The following FOXP2 variants were observed in gnomAD, a reference collection of about 807,000 sequenced individuals.
The protein encoded by FOXP2 is forkhead box P2, also known as forkhead box protein P2.
Under a neutral mutation model 115.8 loss-of-function variants are expected in FOXP2, and 12 were observed. The ratio of observed to expected loss-of-function variants is 0.10; its 90% CI spans 0.07 to 0.17. The LOEUF (loss-of-function observed/expected upper bound fraction) is 0.17, where lower values mean the gene tolerates loss of function less well. Ranked by LOEUF, FOXP2 falls within the 10% of genes least tolerant of loss-of-function variation. FOXP2 has a pLI of 1.00. For missense variants in FOXP2, 629 were observed against 843.5 expected (o/e 0.75, Z 3.15); for synonymous variants, 328 against 297.7 (o/e 1.10, Z -1.05).
At chr7:114,612,117 T>C (rs775290560) in intron 3 of FOXP2, among the ~76,000 whole-genome samples, 23 of 152,116 alleles carry the variant, frequency 1.5e-4, no homozygotes, top group Non-Finnish European at 2.1e-4. Context: ...GCACATTTTG[T>C]TTCTCTTCAT....
At chr7:114,384,911 C>T (rs1267411634) in intron 2 of FOXP2, among the ~76,000 whole-genome samples, 5 of 151,932 alleles carry the variant, frequency 3.3e-5, no homozygotes, top group Non-Finnish European at 7.4e-5. Flanking sequence ...TTTACACTGA[C>T]AACAAAGTGA....
chr7:114,628,106 CATTT>C (rs1297649813), intron 3 of FOXP2, among the ~76,000 whole-genome samples: 1 of 151,864 alleles, frequency 6.6e-6, no homozygotes, highest in Non-Finnish European at 1.5e-5. Flanking sequence ...GTTTAGATAA[CATTT>C]ATATGCATAT....
At chr7:114,124,590 A>T (rs575139366) in intron 1 of FOXP2, among the ~76,000 whole-genome samples, 1 of 152,006 alleles carries the variant, frequency 6.6e-6, no homozygotes, top group Admixed American at 6.6e-5. Context: ...GTGCTCAGGC[A>T]TTATGTTTTA....
chr7:114,360,383 A>G (rs747063191), intron 2 of FOXP2, among the ~76,000 whole-genome samples: 3 of 151,614 alleles, frequency 2.0e-5, no homozygotes, highest in Non-Finnish European at 4.4e-5. Context: ...TCCCAACTTC[A>G]CCTTCCTTTC....
chr7:114,440,546 T>A (rs965135473), intron 2 of FOXP2, among the ~76,000 whole-genome samples: 2 of 152,216 alleles, frequency 1.3e-5, no homozygotes, highest in Non-Finnish European at 2.9e-5. Context: ...AGATATTTTG[T>A]ATGATGGAGT....
intron 2 of FOXP2, among the ~76,000 whole-genome samples, chr7:114,470,576 A>G (rs1180728169): frequency 6.6e-6 from 1 of 152,162 alleles, no homozygotes; most frequent in African/African-American, 2.4e-5. Context: ...GGCACGTAGT[A>G]GATGTTGGGT....
intron 2 of FOXP2, among the ~76,000 whole-genome samples, chr7:114,428,620 T>G (rs2129206157): frequency 6.6e-6 from 1 of 151,606 alleles, no homozygotes; most frequent in East Asian, 1.9e-4. Context: ...TGCAAAAACC[T>G]TTGTAAATAT....
intron 1 of FOXP2, among the ~76,000 whole-genome samples, chr7:114,281,095 A>ATT (rs71157578): frequency 0.036 from 3,341 of 92,838 alleles, 58 homozygotes; most frequent in East Asian, 0.044. Flanking sequence ...TGCAATTTGA[A>ATT]TTTTTTTTTT....
At chr7:114,196,951 AG>A (rs1362435476) in intron 1 of FOXP2, among the ~76,000 whole-genome samples, 1 of 152,120 alleles carries the variant, frequency 6.6e-6, no homozygotes, top group Admixed American at 6.6e-5. Context: ...CAGCATTTTG[AG>A]AGGCCGAGGT....
chr7:114,510,532 G>A (rs1798018388), intron 2 of FOXP2, among the ~76,000 whole-genome samples: 1 of 152,128 alleles, frequency 6.6e-6, no homozygotes. Context: ...TTACAAGGTT[G>A]ATTTTATAAT....
At chr7:114,616,958 C>T (rs1036491598) in intron 3 of FOXP2, among the ~76,000 whole-genome samples, 1 of 152,168 alleles carries the variant, frequency 6.6e-6, no homozygotes, top group Non-Finnish European at 1.5e-5. Context: ...TGGCAGTGCA[C>T]ACCTGTAGTC....
At chr7:114,567,915 G>A (rs1399673481) in intron 3 of FOXP2, among the ~76,000 whole-genome samples, 1 of 152,004 alleles carries the variant, frequency 6.6e-6, no homozygotes, top group Non-Finnish European at 1.5e-5. Flanking sequence ...ATATGATGAT[G>A]GGCTAATGAT....
intron 1 of FOXP2, among the ~76,000 whole-genome samples, chr7:114,136,507 A>G (rs889059259): frequency 3.3e-5 from 5 of 152,048 alleles, no homozygotes; most frequent in Admixed American, 6.5e-5. Context: ...GAAAGATTAT[A>G]GTTTGTAATA....
At chr7:114,296,961 GTA>G (rs1796754254) in intron 2 of FOXP2, among the ~76,000 whole-genome samples, 1 of 151,882 alleles carries the variant, frequency 6.6e-6, no homozygotes, top group Non-Finnish European at 1.5e-5. Flanking sequence ...TCTTAAATGT[GTA>G]TAGTTAATTT....
At chr7:114,475,843 AGATATT>A (rs1220570240) in intron 2 of FOXP2, among the ~76,000 whole-genome samples, 1 of 151,932 alleles carries the variant, frequency 6.6e-6, no homozygotes, top group Non-Finnish European at 1.5e-5. Flanking sequence ...AAATAGATAT[AGATATT>A]GACTATGACT....
At chr7:114,678,590 A>G (rs1365428552) in intron 16 of FOXP2, among the ~76,000 whole-genome samples, 2 of 132,988 alleles carry the variant, frequency 1.5e-5, no homozygotes, top group East Asian at 4.1e-4. Context: ...GAAACTAGCA[A>G]CACTTTATGC....
At chr7:114,416,736 G>A (rs529399279) in intron 1 of FOXP2, among the ~76,000 whole-genome samples, 1 of 152,044 alleles carries the variant, frequency 6.6e-6, no homozygotes, top group South Asian at 2.1e-4. Context: ...TGCTGTACAA[G>A]TTTGGAAACA....
intron 1 of FOXP2, among the ~76,000 whole-genome samples, chr7:114,216,366 T>A (rs1373279181): frequency 6.6e-6 from 1 of 152,178 alleles, no homozygotes; most frequent in Non-Finnish European, 1.5e-5. Context: ...CTATTATATA[T>A]ACCAATATTT....
At chr7:114,345,088 T>A (rs1322588855) in intron 2 of FOXP2, among the ~76,000 whole-genome samples, 1 of 151,888 alleles carries the variant, frequency 6.6e-6, no homozygotes, top group African/African-American at 2.4e-5. Flanking sequence ...ATTTTTTTAT[T>A]TCTTTTTTAA....
Sources: allele counts gnomAD v4.1 joint callset (sites outside exome capture counted in the v4.1 genomes callset), GRCh38; gene constraint gnomAD v4.1.1; transcripts MANE v1.5; gene names NCBI Gene and HGNC (gene_info 2026-07-23, HGNC 2026-07-21).